Variants in AKT3 observed in about 807,000 individuals in gnomAD.
The protein encoded by AKT3 is AKT serine/threonine kinase 3.
A neutral mutation model predicts 65.3 loss-of-function variants in AKT3; 15 were observed. The observed-to-expected ratio is 0.23, with a 90% CI of 0.15 to 0.35. The LOEUF is 0.35. Among genes scored for constraint, AKT3 ranks in the 10% least tolerant of loss-of-function variants. The pLI, the probability that AKT3 is intolerant of heterozygous loss-of-function variation, is 1.00. For synonymous variants in AKT3, 206 were observed against 183.8 expected, an observed-to-expected ratio of 1.12 and a Z score of -0.98; for missense variants, 243 against 576.5, an observed-to-expected ratio of 0.42 and a Z score of 5.92.
At chr1:243,780,262 A>G (rs1346748269) in intron 2 of AKT3, among the ~76,000 whole-genome samples, 1 of 152,118 alleles carries the variant, frequency 6.6e-6, no homozygotes, top group Non-Finnish European at 1.5e-5. Context: ...GGACAAATCA[A>G]TATGATGTGC....
At chr1:243,584,934 T>A (rs1407956386) in intron 8 of AKT3, among the ~76,000 whole-genome samples, 1 of 151,878 alleles carries the variant, frequency 6.6e-6, no homozygotes, top group Non-Finnish European at 1.5e-5. Flanking sequence ...TAAAAAGGCA[T>A]CCTAATAGGC....
At chr1:243,559,832 C>T (rs1673648425) in intron 10 of AKT3, among the ~76,000 whole-genome samples, 1 of 152,096 alleles carries the variant, frequency 6.6e-6, no homozygotes, top group East Asian at 1.9e-4. Context: ...TGATACACAA[C>T]TACTACTTCT....
At chr1:243,687,909 A>G (rs1051749625) in intron 3 of AKT3, 2 of 152,168 alleles carry the variant, frequency 1.3e-5, no homozygotes, top group Non-Finnish European at 2.9e-5. Flanking sequence ...ATTTGATTAA[A>G]TTTACGGTAA....
chr1:243,517,097 A>G (rs1372473371), intron 12 of AKT3, among the ~76,000 whole-genome samples: 2 of 152,082 alleles, frequency 1.3e-5, no homozygotes, highest in East Asian at 3.9e-4. Flanking sequence ...TCTTTGATCC[A>G]TGGATTAATA....
chr1:243,706,991 G>A lies in AKT3; in HGVS notation c.47-11275C>T, dbSNP rs560893224. Among the ~76,000 whole-genome samples the A allele has an allele frequency of 2.0e-5, 3 of 152,278 alleles. No individual in the cohort carries two copies. In the South Asian group the frequency reaches 6.2e-4, roughly 32 times the overall value. On this transcript the variant is annotated intron_variant, in intron 2 of 13. Coordinates refer to ENST00000673466, the MANE Select transcript of AKT3 (RefSeq NM_005465.7). ...ACTAGCTGTGTGAGAGACAGTGAATGCTGTTTAATCTCTCTGGGTCTCAGC... is the reference window on the plus strand; with the variant it reads ...ACTAGCTGTGTGAGAGACAGTGAATACTGTTTAATCTCTCTGGGTCTCAGC...
At chr1:243,637,536 T>C (rs1680064705) in intron 6 of AKT3, 75 bp downstream of exon 6, 1 of 1,310,570 alleles carries the variant, frequency 7.6e-7, no homozygotes, top group African/African-American at 1.5e-5. Context: ...TACATTAGCA[T>C]GTAAATTCAT....
At chr1:243,818,779 C>T (rs1307387506) in intron 2 of AKT3, among the ~76,000 whole-genome samples, 1 of 151,880 alleles carries the variant, frequency 6.6e-6, no homozygotes, top group Non-Finnish European at 1.5e-5. Flanking sequence ...CCACCAAGAA[C>T]AAAAAAGGCC....
chr1:243,851,040 G>A (rs1467134903), upstream of AKT3: 1 of 152,324 alleles, frequency 6.6e-6, no homozygotes, highest in Non-Finnish European at 1.5e-5. Context: ...CCGGCGCGAG[G>A]GCTCGCACCT....
At chr1:243,812,965 G>A (rs1693265805) in intron 2 of AKT3, among the ~76,000 whole-genome samples, 1 of 148,648 alleles carries the variant, frequency 6.7e-6, no homozygotes, top group Non-Finnish European at 1.5e-5. Context: ...TGGCATAGGT[G>A]GGAACTGAAC....
chr1:243,524,358 C>A (rs1296739551), intron 12 of AKT3, among the ~76,000 whole-genome samples: 1 of 152,120 alleles, frequency 6.6e-6, no homozygotes, highest in Non-Finnish European at 1.5e-5. Context: ...CCATACATAC[C>A]AGGCACCAGC....
At chr1:243,607,100 C>G (rs1285989082) in intron 8 of AKT3, among the ~76,000 whole-genome samples, 2 of 152,246 alleles carry the variant, frequency 1.3e-5, no homozygotes, top group African/African-American at 4.8e-5. Context: ...CATGGAGAAC[C>G]TCTGCTAGGG....
chr1:243,661,668 C>T (rs935424271), intron 4 of AKT3, among the ~76,000 whole-genome samples: 3 of 151,748 alleles, frequency 2.0e-5, no homozygotes, highest in African/African-American at 7.3e-5. Flanking sequence ...GTCTAAAACA[C>T]AAAAAGCAAT....
chr1:243,830,210 T>C (rs1375879830), intron 2 of AKT3, among the ~76,000 whole-genome samples: 2 of 152,196 alleles, frequency 1.3e-5, no homozygotes, highest in African/African-American at 4.8e-5. Context: ...TTACATGGCA[T>C]TTGCAGTGGA....
chr1:243,643,687 C>G (rs146434085), intron 5 of AKT3, among the ~76,000 whole-genome samples: 67 of 152,268 alleles, frequency 4.4e-4, no homozygotes, highest in African/African-American at 1.6e-3. Context: ...GGTAACGAAC[C>G]CTATTTCATG....
chr1:243,708,433 A>G (rs1195559949), intron 2 of AKT3, among the ~76,000 whole-genome samples: 1 of 152,062 alleles, frequency 6.6e-6, no homozygotes, highest in Non-Finnish European at 1.5e-5. Flanking sequence ...AATTTCAGAA[A>G]ACAATCTTTA....
intron 12 of AKT3, among the ~76,000 whole-genome samples, chr1:243,537,885 A>G (rs1029536242): frequency 3.3e-5 from 5 of 152,060 alleles, no homozygotes; most frequent in African/African-American, 1.2e-4. Flanking sequence ...CCCATTCTGA[A>G]ATGTCCCATT....
chr1:243,613,192 CA>C, intron 8 of AKT3, among the ~76,000 whole-genome samples: 1 of 149,208 alleles, frequency 6.7e-6, no homozygotes, highest in Admixed American at 6.7e-5. Flanking sequence ...TATACATACA[CA>C]CACACACATA....
intron 13 of AKT3, among the ~76,000 whole-genome samples, chr1:243,509,020 C>G (rs949532533): frequency 1.3e-5 from 2 of 152,072 alleles, no homozygotes; most frequent in African/African-American, 2.4e-5. Flanking sequence ...TTTTGATAAC[C>G]ATCTTGAAAG....
intron 5 of AKT3, among the ~76,000 whole-genome samples, chr1:243,641,122 C>G (rs142705774): frequency 2.0e-5 from 3 of 151,908 alleles, no homozygotes; most frequent in African/African-American, 2.4e-5. Context: ...TTCCTGCCCT[C>G]GAACATCAAC....
Sources: gnomAD v4.1 joint callset for allele counts (sites outside exome capture counted in the v4.1 genomes callset) on GRCh38, gnomAD v4.1.1 for gene constraint, MANE v1.5 for transcripts, NCBI Gene and HGNC (gene_info 2026-07-23, HGNC 2026-07-21) for gene names.